The following ARL9 variants were observed in gnomAD, a reference collection of about 807,000 sequenced individuals.
ARL9 encodes the protein ADP-ribosylation factor-like protein 9.
A neutral mutation model predicts 27.0 loss-of-function variants in ARL9; 14 were observed. The ratio of observed to expected loss-of-function variants is 0.52; its 90% CI spans 0.34 to 0.81. The LOEUF is 0.81. Ranked by LOEUF, ARL9 falls within the 30% of genes least tolerant of loss-of-function variation. The probability of loss-of-function intolerance (pLI) is 0.01; values close to 1 mark genes in which losing one functional copy is unlikely to be tolerated. For synonymous variants in ARL9, 106 were observed against 108.7 expected (o/e 0.98, Z 0.15); for missense variants, 294 against 290.0 (o/e 1.01, Z -0.10).
At chr4:56,520,025 CAG>C (rs1160257944) in intron 3 of ARL9, among the ~76,000 whole-genome samples, 2 of 149,222 alleles carry the variant, frequency 1.3e-5, no homozygotes, top group African/African-American at 5.0e-5. Context: ...TTTTTTGAGA[CAG>C]AGTCTTGCTC....
chr4:56,519,573 G>A (rs553318618), intron 3 of ARL9, among the ~76,000 whole-genome samples: 1 of 152,038 alleles, frequency 6.6e-6, no homozygotes, highest in South Asian at 2.1e-4. Context: ...TCGCGCCACT[G>A]CACTCCAGCC....
At chr4:56,511,070 G>A (rs1721622494) in intron 1 of ARL9, 115 bp from the exon 2 acceptor site, 1 of 1,057,622 alleles carries the variant, frequency 9.5e-7, no homozygotes, top group African/African-American at 1.6e-5. Context: ...ACCGCACCTG[G>A]CCCGTGGAGT....
At chr4:56,521,264 T>C (rs1668247436) in intron 3 of ARL9, among the ~76,000 whole-genome samples, 1 of 150,908 alleles carries the variant, frequency 6.6e-6, no homozygotes, top group Non-Finnish European at 1.5e-5. Context: ...TTGTTTTAAG[T>C]GGAGCATCTT....
intron 2 of ARL9, among the ~76,000 whole-genome samples, chr4:56,513,923 A>T (rs777817909): frequency 2.0e-5 from 3 of 152,300 alleles, no homozygotes; most frequent in East Asian, 3.9e-4. Context: ...TAATCCCAGC[A>T]CTTTGAGAGG....
intron 3 of ARL9, among the ~76,000 whole-genome samples, chr4:56,521,003 A>C (rs1721900885): frequency 6.6e-6 from 1 of 152,030 alleles, no homozygotes; most frequent in African/African-American, 2.4e-5. Flanking sequence ...GGAGGTCAGG[A>C]GTTCGAGACC....
At chr4:56,515,111 G>A (rs533828582) in intron 2 of ARL9, among the ~76,000 whole-genome samples, 47 of 151,856 alleles carry the variant, frequency 3.1e-4, no homozygotes, top group African/African-American at 1.0e-3. Flanking sequence ...AAAATTAGCC[G>A]GGCATGGTGG....
chr4:56,523,776 T>C lies in ARL9; in HGVS notation c.698T>C (p.Phe233Ser). 1 of 1,613,888 alleles carries C rather than the reference T, an allele frequency of 6.2e-7. No homozygotes were observed. The highest frequency in any genetic ancestry group is 1.1e-5 in the South Asian group (1 of 91,072). Reference protein sequence around the residue: ...LSEVGNDRKMFLFGTYLTKNG... With the variant: ...LSEVGNDRKMSLFGTYLTKNG... The stretch of plus-strand genomic sequence containing the variant: ...GAAGTGGGAAATGACAGGAAGATGT[T>C]CTTGTTTGGAACCTACCTGACTAAG... The change falls in exon 4 of 4, where the codon TTC becomes TCC. Residue 233 changes from phenylalanine to serine, a missense_variant. Transcript: ENST00000640821.
intron 3 of ARL9, among the ~76,000 whole-genome samples, chr4:56,522,958 C>T (rs1721968457): frequency 6.6e-6 from 1 of 152,146 alleles, no homozygotes; most frequent in South Asian, 2.1e-4. Context: ...AGAAAACTCA[C>T]AGTGGCAAGA....
upstream of ARL9, chr4:56,505,409 A>C (rs573429265): frequency 4.2e-5 from 19 of 457,698 alleles, no homozygotes; most frequent in South Asian, 2.8e-4. Flanking sequence ...TTCTTCACAC[A>C]GGCTGGCCGG....
At chr4:56,518,601 G>A (rs768972004) in intron 2 of ARL9, 77 bp from the exon 3 acceptor site, 429 of 1,285,916 alleles carry the variant, frequency 3.3e-4, no homozygotes, top group Non-Finnish European at 4.4e-4. Context: ...AAATCTAGAT[G>A]TGCCCTCCCT....
At chr4:56,505,748 G>A (rs867085067), upstream of ARL9, 120 of 1,396,498 alleles carry the variant, frequency 8.6e-5, 1 homozygote, top group African/African-American at 1.4e-3. Context: ...GGTTGTCTAC[G>A]CCGCGGGGCC....
rs1275843312 is a variant in ARL9 at position 56,523,782 on chromosome 4, T to C, written c.704T>C (p.Phe235Ser). ...EVGNDRKMFL[F>S]GTYLTKNGSE... ...GGAAATGACAGGAAGATGTTCTTGT[T>C]TGGAACCTACCTGACTAAGAATGGC... Residue 235 changes from phenylalanine (F) to serine (S), a missense_variant, in exon 4 of 4, where the codon TTT becomes TCT. Transcript: ENST00000640821. The C allele has an allele frequency of 1.2e-6, 2 of 1,613,780 alleles. No individual in the cohort carries two copies. Among genetic ancestry groups the C allele is most frequent in the Non-Finnish European group, 8.5e-7 (1 of 1,179,804 alleles).
intron 1 of ARL9, 42 bp from the exon 2 acceptor site, chr4:56,511,143 C>T: frequency 6.8e-7 from 1 of 1,479,148 alleles, no homozygotes; most frequent in Non-Finnish European, 9.0e-7. Flanking sequence ...AAAATGAGCC[C>T]CTGATAGCAT....
At chr4:56,511,555 G>T (rs1411261319) in intron 2 of ARL9, among the ~76,000 whole-genome samples, 4 of 152,152 alleles carry the variant, frequency 2.6e-5, no homozygotes, top group African/African-American at 9.7e-5. Context: ...TACAGTAGTG[G>T]TGATAAAGGG....
At chr4:56,519,633 A>G (rs950712324) in intron 3 of ARL9, among the ~76,000 whole-genome samples, 16 of 152,232 alleles carry the variant, frequency 1.1e-4, no homozygotes, top group African/African-American at 3.9e-4. Flanking sequence ...CTTATGATGC[A>G]GCAATTCCAC....
intron 1 of ARL9, among the ~76,000 whole-genome samples, chr4:56,508,617 C>T (rs1341180247): frequency 6.6e-6 from 1 of 152,178 alleles, no homozygotes; most frequent in African/African-American, 2.4e-5. Flanking sequence ...AACTCCTGAC[C>T]TCAGGTGATC....
chr4:56,511,461 T>C, intron 2 of ARL9, 114 bp downstream of exon 2: 1 of 1,192,160 alleles, frequency 8.4e-7, no homozygotes, highest in Non-Finnish European at 1.2e-6. Flanking sequence ...CAAATTTTCC[T>C]AGACTTTTAG....
Position 56,523,774 on chromosome 4 carries a change from G to A in ARL9, c.696G>A (p.Met232Ile). The A allele has an allele frequency of 6.2e-7, 1 of 1,613,784 alleles. No individual in the cohort carries two copies. The highest frequency in any genetic ancestry group is 1.1e-5 in the South Asian group (1 of 91,074). Residue 232 changes from methionine (M) to isoleucine (I), a missense_variant, in exon 4 of 4, where the codon ATG becomes ATA. By Grantham distance (10) the Met-to-Ile change is conservative (BLOSUM62 1). Transcript: ENST00000640821. ...CTGAAGTGGGAAATGACAGGAAGAT[G>A]TTCTTGTTTGGAACCTACCTGACTA... is the stretch of plus-strand genomic sequence containing the variant. Reference protein sequence around the residue: ...ALSEVGNDRKMFLFGTYLTKN... With the variant: ...ALSEVGNDRKIFLFGTYLTKN...
At chr4:56,505,533 T>G (rs753060703), upstream of ARL9, 1 of 527,378 alleles carries the variant, frequency 1.9e-6, no homozygotes, top group South Asian at 1.5e-5. Context: ...GGACGCTTTT[T>G]CTGCAGCAAT....
Sources: allele counts gnomAD v4.1 joint callset (sites outside exome capture counted in the v4.1 genomes callset), GRCh38; gene constraint gnomAD v4.1.1; transcripts MANE v1.5; gene names NCBI Gene and HGNC (gene_info 2026-07-23, HGNC 2026-07-21).